The following OSBPL11 variants were observed in gnomAD, a reference collection of about 807,000 sequenced individuals.
The protein encoded by OSBPL11 is oxysterol-binding protein-related protein 11.
In OSBPL11, 33 loss-of-function variants were observed where a neutral mutation model predicts 84.4. The ratio of observed to expected loss-of-function variants is 0.39; its 90% CI spans 0.30 to 0.52. The LOEUF (loss-of-function observed/expected upper bound fraction) is 0.52. OSBPL11 is among the 20% of genes least tolerant of loss of function. The probability of loss-of-function intolerance (pLI) is 0.72; values close to 1 mark genes in which losing one functional copy is unlikely to be tolerated. For missense variants in OSBPL11, 736 were observed against 901.1 expected, an observed-to-expected ratio of 0.82 and a Z score of 2.35; for synonymous variants, 276 against 310.2, an observed-to-expected ratio of 0.89 and a Z score of 1.16.
chr3:125,567,620 T>G, intron 5 of OSBPL11, 25 bp from the exon 6 acceptor site: 1 of 1,579,094 alleles, frequency 6.3e-7, no homozygotes, highest in Non-Finnish European at 8.7e-7. Flanking sequence ...GTTCTGTGGG[T>G]CCTACTCATG....
rs527642863 is a variant in OSBPL11 at position 125,530,100 on chromosome 3, T to C, written c.*415A>G. 1 of 178,576 alleles carries C rather than the reference T, an allele frequency of 5.6e-6. No homozygotes were observed. The highest frequency in any genetic ancestry group is 1.4e-4 in the South Asian group (1 of 7,402). 11.1% of individuals were successfully genotyped at this position (178,576 alleles called of 1,614,324 possible). A position where few individuals can be genotyped will look rare whatever the true frequency, so the allele number is the denominator to read the frequency against. ...ACAAGAGTAGTGAATACTTCAGTTATGGACAGAAAGAAAGACACAAACTCT... is the reference window on the plus strand; with the variant it reads ...ACAAGAGTAGTGAATACTTCAGTTACGGACAGAAAGAAAGACACAAACTCT... On this transcript the variant is annotated 3_prime_UTR_variant, in exon 13 of 13. Transcript: ENST00000296220.
In OSBPL11 at chr3:125,593,568, C is replaced by T. The variant is rs528660397; in HGVS notation, c.164+1069G>A. ...CCAGGAGGTGGAGGTGGTAGTGAGC[C>T]GAGATCGCGCCACCACACTCCAGCC... On this transcript the variant is annotated intron_variant, in intron 1 of 12. Coordinates refer to ENST00000296220, the MANE Select transcript of OSBPL11 (RefSeq NM_022776.5). Among the ~76,000 whole-genome samples the T allele has an allele frequency of 2.1e-4, 32 of 150,838 alleles. No homozygotes were observed. In the South Asian group the frequency reaches 6.7e-3, roughly 32 times the overall value.
At chr3:125,573,447 A>G in intron 5 of OSBPL11, among the ~76,000 whole-genome samples, 1 of 152,194 alleles carries the variant, frequency 6.6e-6, no homozygotes, top group East Asian at 1.9e-4. Flanking sequence ...TGGACTGAAA[A>G]GGAAGGGAAC....
chr3:125,554,320 C>T (rs1261344922), intron 8 of OSBPL11, among the ~76,000 whole-genome samples: 2 of 152,318 alleles, frequency 1.3e-5, no homozygotes, highest in East Asian at 3.9e-4. Flanking sequence ...CTCTCTCATG[C>T]AGCCTTCTTC....
At chr3:125,565,373 T>A (rs961548493) in intron 6 of OSBPL11, among the ~76,000 whole-genome samples, 1 of 152,212 alleles carries the variant, frequency 6.6e-6, no homozygotes, top group Non-Finnish European at 1.5e-5. Flanking sequence ...ATTTCATAGC[T>A]AAGCCTAACT....
intron 11 of OSBPL11, among the ~76,000 whole-genome samples, chr3:125,537,544 T>C (rs750395737): frequency 6.6e-6 from 1 of 152,204 alleles, no homozygotes; most frequent in Non-Finnish European, 1.5e-5. Context: ...AAAAATTCAT[T>C]ATTGCTGTTA....
chr3:125,559,492 G>A (rs368042789), intron 8 of OSBPL11, among the ~76,000 whole-genome samples: 2 of 151,994 alleles, frequency 1.3e-5, no homozygotes, highest in Non-Finnish European at 2.9e-5. Context: ...AGGATCAAGC[G>A]ATCCTCCCAC....
At chr3:125,586,329 A>C (rs1327848211) in intron 1 of OSBPL11, among the ~76,000 whole-genome samples, 4 of 152,176 alleles carry the variant, frequency 2.6e-5, no homozygotes, top group Admixed American at 6.6e-5. Flanking sequence ...GTATATTTCT[A>C]ATCTTTTAAA....
chr3:125,532,015 C>G lies in OSBPL11; in HGVS notation c.2025-1G>C. On this transcript the variant is annotated splice_acceptor_variant, in intron 11 of 12. Transcript: ENST00000296220. LOFTEE classifies it high-confidence loss of function. ...GTCTGTCACATTTTTCCACAATCGC[C>G]TGAAATCCAAAAACCACACATTTTA... The G allele has an allele frequency of 6.3e-7, 1 of 1,597,476 alleles. No individual in the cohort carries two copies. The highest frequency in any genetic ancestry group is 8.5e-7 in the Non-Finnish European group (1 of 1,174,802).
chr3:125,547,597 A>G lies in OSBPL11; in HGVS notation c.1655-5T>C. On this transcript the variant is annotated splice_region_variant and splice_polypyrimidine_tract_variant and intron_variant, in intron 9 of 12. Transcript: ENST00000296220. ...GCTCCAACAGACTAAGGATACCTGA[A>G]TGTGAAAACATGAGGGTGGTTAACA... is the stretch of plus-strand genomic sequence containing the variant. 1 of 1,579,122 alleles carries G rather than the reference A, an allele frequency of 6.3e-7. No individual in the cohort carries two copies. The highest frequency in any genetic ancestry group is 1.2e-5 in the South Asian group (1 of 86,070).
chr3:125,566,476 CAT>C (rs1936158523), intron 6 of OSBPL11, among the ~76,000 whole-genome samples: 1 of 152,170 alleles, frequency 6.6e-6, no homozygotes, highest in South Asian at 2.1e-4. Context: ...TTTAGGCACA[CAT>C]GAGGATGAGG....
chr3:125,593,825 T>A (rs940747639), intron 1 of OSBPL11, among the ~76,000 whole-genome samples: 3 of 151,720 alleles, frequency 2.0e-5, no homozygotes, highest in Admixed American at 2.0e-4. Flanking sequence ...CACATAGGAG[T>A]CAATCAAAAC....
At chr3:125,586,868 T>C (rs1936520222) in intron 1 of OSBPL11, among the ~76,000 whole-genome samples, 1 of 152,218 alleles carries the variant, frequency 6.6e-6, no homozygotes, top group African/African-American at 2.4e-5. Flanking sequence ...TAAAAGTTTT[T>C]AAAATTAAGC....
chr3:125,561,396 C>G (rs1359029921), intron 7 of OSBPL11, among the ~76,000 whole-genome samples: 1 of 152,190 alleles, frequency 6.6e-6, no homozygotes, highest in Non-Finnish European at 1.5e-5. Flanking sequence ...TCAAAAGACT[C>G]TTTCTTCCTA....
intron 9 of OSBPL11, among the ~76,000 whole-genome samples, chr3:125,549,112 C>T (rs1339559002): frequency 6.6e-6 from 1 of 152,006 alleles, no homozygotes; most frequent in African/African-American, 2.4e-5. Context: ...ACTTCTGCCT[C>T]CCGGGTTCAA....
chr3:125,553,075 G>C (rs535026727), intron 8 of OSBPL11, among the ~76,000 whole-genome samples: 3 of 152,278 alleles, frequency 2.0e-5, no homozygotes, highest in African/African-American at 7.2e-5. Flanking sequence ...CTGCGCCACT[G>C]CACTTGTACC....
chr3:125,578,779 A>C (rs1214293148), intron 4 of OSBPL11, among the ~76,000 whole-genome samples, 181 bp downstream of exon 4: 1 of 152,168 alleles, frequency 6.6e-6, no homozygotes, highest in Non-Finnish European at 1.5e-5. Flanking sequence ...TCAAAAAAAA[A>C]AAGAAAGTTA....
Position 125,547,611 on chromosome 3 carries a change from G to T in OSBPL11, c.1655-19C>A. ...AGGATACCTGAATGTGAAAACATGA[G>T]GGTGGTTAACATCTTTTTAAAGAAA... is the stretch of plus-strand genomic sequence containing the variant. On this transcript the variant is annotated intron_variant, in intron 9 of 12. Transcript: ENST00000296220. 1 of 1,553,648 alleles carries T rather than the reference G, an allele frequency of 6.4e-7. No homozygotes were observed.
chr3:125,543,112 G>A (rs1371277771), intron 10 of OSBPL11, among the ~76,000 whole-genome samples: 1 of 150,022 alleles, frequency 6.7e-6, no homozygotes, highest in African/African-American at 2.5e-5. Context: ...TTTCCCTCCT[G>A]GGGCTAGTAA....
Sources: allele counts gnomAD v4.1 joint callset (sites outside exome capture counted in the v4.1 genomes callset), GRCh38; gene constraint gnomAD v4.1.1; transcripts MANE v1.5; gene names NCBI Gene and HGNC (gene_info 2026-07-23, HGNC 2026-07-21).